Variants in ORC5 observed in about 807,000 individuals in gnomAD.
ORC5 encodes the protein protein phosphatase 1, regulatory subunit 117.
Under a neutral mutation model 58.8 loss-of-function variants are expected in ORC5, and 39 were observed. The observed-to-expected ratio is 0.66, with a 90% CI of 0.51 to 0.87. The LOEUF (loss-of-function observed/expected upper bound fraction) is 0.87. Ranked by LOEUF, ORC5 falls within the 40% of genes least tolerant of loss-of-function variation. The pLI is 0.00. For missense variants in ORC5, 493 were observed against 506.3 expected (o/e 0.97, Z 0.25); for synonymous variants, 218 against 177.6 (o/e 1.23, Z -1.81).
At position 104,175,522 on chromosome 7, in the gene ORC5, T is replaced by A. The variant is rs1220689942; in HGVS notation, c.825-6997A>T. ...ACAACCTACACATTTTCTGGAAATG[T>A]AAATTTAGGTTTGCCTTACTAACAA... On this transcript the variant is annotated intron_variant, in intron 8 of 13. Coordinates refer to ENST00000297431, the MANE Select transcript of ORC5 (RefSeq NM_002553.4). Among the ~76,000 whole-genome samples the A allele has an allele frequency of 2.0e-5, 3 of 152,224 alleles. No homozygotes were observed. The East Asian group carries it at 5.8e-4, about 29-fold the overall frequency.
intron 12 of ORC5, among the ~76,000 whole-genome samples, chr7:104,150,229 T>C (rs1305490509): frequency 6.6e-6 from 1 of 152,220 alleles, no homozygotes; most frequent in African/African-American, 2.4e-5. Context: ...TATACGTTCA[T>C]AGGTTGTTAT....
chr7:104,179,723 T>C (rs1799396774), intron 8 of ORC5, among the ~76,000 whole-genome samples: 2 of 152,120 alleles, frequency 1.3e-5, no homozygotes, highest in African/African-American at 4.8e-5. Context: ...CTTCTTCACT[T>C]AGGATGGTAA....
At chr7:104,193,164 T>C (rs1193489390) in intron 5 of ORC5, among the ~76,000 whole-genome samples, 1 of 152,096 alleles carries the variant, frequency 6.6e-6, no homozygotes, top group Non-Finnish European at 1.5e-5. Context: ...ATAAAAGTTA[T>C]TTTCTTTTTT....
intron 1 of ORC5, among the ~76,000 whole-genome samples, chr7:104,206,225 T>C (rs1800079464): frequency 6.6e-6 from 1 of 152,216 alleles, no homozygotes; most frequent in Non-Finnish European, 1.5e-5. Flanking sequence ...GAAAAGGTGC[T>C]CGGTAAATAT....
rs1798623358 is a variant in ORC5 at position 104,138,406 on chromosome 7, A to C, written c.1150-1513T>G. On this transcript the variant is annotated intron_variant, in intron 12 of 13. Coordinates refer to ENST00000297431, the MANE Select transcript of ORC5 (RefSeq NM_002553.4). This position sits in a 1 kb window ranked among gnomAD's most constrained non-coding sequence, Gnocchi z 4.7. ...CTTTGGGTATAAAACAATAATATGG[A>C]TTTAGGTCTTTTTAAGAGTTAGGTA... is the stretch of plus-strand genomic sequence containing the variant. 6.6e-6 allele frequency among the ~76,000 whole-genome samples: 1 copy of C among 150,622 alleles called. No individual in the cohort carries two copies. Among genetic ancestry groups the C allele is most frequent in the Admixed American group, 6.6e-5 (1 of 15,250 alleles).
At chr7:104,171,968 T>C (rs978060931) in intron 8 of ORC5, among the ~76,000 whole-genome samples, 3 of 152,262 alleles carry the variant, frequency 2.0e-5, no homozygotes, top group African/African-American at 7.2e-5. Context: ...TTGAACTCTC[T>C]TTCTTCAAGT....
intron 8 of ORC5, among the ~76,000 whole-genome samples, chr7:104,181,778 C>G (rs1221452774): frequency 3.7e-5 from 5 of 136,736 alleles, no homozygotes; most frequent in African/African-American, 1.4e-4. Flanking sequence ...GGCGACAGAG[C>G]GAGACTCCGT....
At chr7:104,165,486 A>T in intron 10 of ORC5, 1 of 392,114 alleles carries the variant, frequency 2.6e-6, no homozygotes, top group African/African-American at 2.1e-5. Context: ...TGGATATAAA[A>T]TTACTTTTGC....
intron 12 of ORC5, among the ~76,000 whole-genome samples, chr7:104,150,283 G>A (rs1346552423): frequency 6.6e-6 from 1 of 152,082 alleles, no homozygotes; most frequent in Non-Finnish European, 1.5e-5. Flanking sequence ...TTGTCCTGGA[G>A]GAGCTTCACA....
intron 3 of ORC5, among the ~76,000 whole-genome samples, chr7:104,198,003 T>A (rs1257204623): frequency 6.6e-6 from 1 of 151,642 alleles, no homozygotes; most frequent in Non-Finnish European, 1.5e-5. Flanking sequence ...ATCAAGGGAG[T>A]GGGTTATTGA....
At chr7:104,169,448 T>C (rs779223454) in intron 8 of ORC5, among the ~76,000 whole-genome samples, 6 of 152,140 alleles carry the variant, frequency 3.9e-5, no homozygotes, top group Non-Finnish European at 7.4e-5. Context: ...CACTATAGTA[T>C]AATGAGTAAA....
At chr7:104,195,281 C>T in intron 4 of ORC5, 27 bp from the exon 5 acceptor site, 2 of 1,375,198 alleles carry the variant, frequency 1.5e-6, no homozygotes, top group African/African-American at 3.0e-5. Context: ...ATAAAAGTAA[C>T]TTCGCATTTA....
intron 12 of ORC5, among the ~76,000 whole-genome samples, chr7:104,150,895 A>G (rs1798834894): frequency 6.6e-6 from 1 of 152,228 alleles, no homozygotes; most frequent in Non-Finnish European, 1.5e-5. Flanking sequence ...TAATATGCAT[A>G]AACATAATTA....
chr7:104,135,201 T>C (rs761840960), intron 13 of ORC5, among the ~76,000 whole-genome samples: 4 of 152,206 alleles, frequency 2.6e-5, no homozygotes, highest in Non-Finnish European at 4.4e-5. Flanking sequence ...ATCCCTGAAA[T>C]GAACAGGCTT....
intron 13 of ORC5, among the ~76,000 whole-genome samples, chr7:104,127,364 A>C (rs1048907805): frequency 3.3e-5 from 5 of 152,166 alleles, no homozygotes; most frequent in Non-Finnish European, 7.4e-5. Context: ...CAGTCTTTTA[A>C]CGCTGGCTGA....
intron 1 of ORC5, 68 bp from the exon 2 acceptor site, chr7:104,204,302 G>T: frequency 1.1e-6 from 1 of 916,878 alleles, no homozygotes; most frequent in South Asian, 1.6e-5. Context: ...ATCAACTTGT[G>T]AGAAAGTTGT....
chr7:104,166,896 A>C lies in ORC5; in HGVS notation c.878-12T>G. 2 of 1,456,580 alleles carry C rather than the reference A, an allele frequency of 1.4e-6. No individual in the cohort carries two copies. The highest frequency in any genetic ancestry group is 1.2e-5 in the South Asian group (1 of 84,354). 90.2% of individuals were successfully genotyped at this position (1,456,580 alleles called of 1,614,324 possible). ...ATGCGCTGAGAGGCCTATATAACAA[A>C]ACACTTTGATGAAGTACTTATTAGG... On this transcript the variant is annotated splice_polypyrimidine_tract_variant and intron_variant, in intron 9 of 13. Coordinates refer to ENST00000297431, the MANE Select transcript of ORC5 (RefSeq NM_002553.4).
At chr7:104,178,029 A>G (rs907486654) in intron 8 of ORC5, among the ~76,000 whole-genome samples, 3 of 152,208 alleles carry the variant, frequency 2.0e-5, no homozygotes, top group African/African-American at 4.8e-5. Context: ...TGCAATAAAC[A>G]TAGGTGTGCA....
intron 5 of ORC5, among the ~76,000 whole-genome samples, chr7:104,194,190 A>G (rs558663608): frequency 3.3e-5 from 5 of 151,532 alleles, no homozygotes; most frequent in African/African-American, 1.2e-4. Flanking sequence ...ATTAATGACA[A>G]TAAAGACTCC....
Sources: gnomAD v4.1 joint callset for allele counts (sites outside exome capture counted in the v4.1 genomes callset) on GRCh38, gnomAD v4.1.1 for gene constraint, Gnocchi (gnomAD v3.1) non-coding constraint, MANE v1.5 for transcripts, NCBI Gene and HGNC (gene_info 2026-07-23, HGNC 2026-07-21) for gene names.